Variants in MUC6 observed in about 807,000 individuals in gnomAD.
MUC6 encodes the protein mucin-6.
MUC6 carries 188 observed loss-of-function variants against 201.5 expected under a neutral mutation model. The ratio of observed to expected loss-of-function variants is 0.93; its 90% CI spans 0.83 to 1.05. MUC6 has a LOEUF of 1.05. Ranked by LOEUF, MUC6 falls within the 50% of genes least tolerant of loss-of-function variation. The pLI is 0.00. For synonymous variants in MUC6, 1,228 were observed against 1,389.4 expected (o/e 0.88, Z 2.58); for missense variants, 2,706 against 3,256.9 (o/e 0.83, Z 4.12).
At chr11:1,014,750 G>A (rs1409737451) in intron 31 of MUC6, among the ~76,000 whole-genome samples, 2 of 152,212 alleles carry the variant, frequency 1.3e-5, no homozygotes, top group African/African-American at 4.8e-5. Flanking sequence ...CTGCAGAGAA[G>A]ACAGGTCACC....
At chr11:1,035,102 T>G (rs1590057795) in intron 1 of MUC6, among the ~76,000 whole-genome samples, 1 of 152,232 alleles carries the variant, frequency 6.6e-6, no homozygotes, top group Non-Finnish European at 1.5e-5. Context: ...CGCCCACCCC[T>G]GCCTCCCGGC....
In MUC6 at chr11:1,023,668, C is replaced by T; in HGVS notation, c.3383-16G>A. 5 of 1,611,062 alleles carry T rather than the reference C, an allele frequency of 3.1e-6. No individual in the cohort carries two copies. The highest frequency in any genetic ancestry group is 4.2e-6 in the Non-Finnish European group (5 of 1,179,074). Reference sequence around the variant, plus strand: ...CAGTAGATGGCTGGGAGGAAGGGAGCTGTCAGCTGGTGGGGTTCCTGGCCC... The same window carrying T: ...CAGTAGATGGCTGGGAGGAAGGGAGTTGTCAGCTGGTGGGGTTCCTGGCCC... On this transcript the variant is annotated splice_polypyrimidine_tract_variant and intron_variant, in intron 25 of 32. Coordinates refer to ENST00000421673, the MANE Select transcript of MUC6 (RefSeq NM_005961.3).
At chr11:1,020,870 A>T in intron 27 of MUC6, 136 bp from the exon 28 acceptor site, 3 of 1,138,838 alleles carry the variant, frequency 2.6e-6, no homozygotes. Context: ...CTGGGAGCCC[A>T]CCCTCCCCTC....
intron 31 of MUC6, among the ~76,000 whole-genome samples, chr11:1,015,500 G>C (rs1329548182): frequency 6.6e-6 from 1 of 152,136 alleles, no homozygotes; most frequent in African/African-American, 2.4e-5. Flanking sequence ...GCATGAGTGA[G>C]CCAGTGCAGG....
intron 27 of MUC6, among the ~76,000 whole-genome samples, 171 bp from the exon 28 acceptor site, chr11:1,020,905 A>G (rs12282450): frequency 4.6e-5 from 7 of 152,004 alleles, no homozygotes; most frequent in African/African-American, 1.7e-4. Flanking sequence ...TCCCAGGATG[A>G]TTCCCACTCT....
In MUC6 at chr11:1,013,728, T is replaced by TC. The variant is rs1856532867; in HGVS notation, c.7143-96dup. On this transcript the variant is annotated intron_variant, in intron 32 of 32. Transcript: ENST00000421673. ...CAGCTGCTCCGCAGAGGCCTGGACC[T>TC]CCCCGCTGAGCTCCCGGCTCACAGG... 3 of 1,439,788 alleles carry TC rather than the reference T, an allele frequency of 2.1e-6. No homozygotes were observed. The Admixed American group carries it at 6.1e-5, about 29-fold the overall frequency. The allele number at this position is 1,439,788 out of a possible 1,614,324, so 89.2% of individuals were successfully genotyped here.
intron 8 of MUC6, 48 bp downstream of exon 8, chr11:1,030,165 T>G (rs1230442902): frequency 1.4e-5 from 21 of 1,514,874 alleles, no homozygotes; most frequent in Admixed American, 2.0e-5. Flanking sequence ...TGTCTCTGGG[T>G]TCTCTCTAGG....
chr11:1,024,840 C>G lies in MUC6; in HGVS notation c.3225+4G>C, dbSNP rs754455898. The G allele has an allele frequency of 6.2e-7, 1 of 1,607,480 alleles. No homozygotes were observed. Among genetic ancestry groups the G allele is most frequent in the Admixed American group, 1.7e-5 (1 of 59,928 alleles). ...GGCGCACAGCCCTCGTGCCCGGTGC[C>G]CACCTTGCTGTGGCAGGTGGCAAAG... On this transcript the variant is annotated splice_donor_region_variant and intron_variant, in intron 24 of 32. Transcript: ENST00000421673.
chr11:1,030,371 C>T (rs537252150), intron 7 of MUC6, 36 bp from the exon 8 acceptor site: 2 of 1,479,968 alleles, frequency 1.4e-6, no homozygotes, highest in East Asian at 5.1e-5. Flanking sequence ...GAGGGTCCCA[C>T]CCCCCCCACC....
chr11:1,013,516 G>A lies in MUC6; in HGVS notation c.7260C>T (p.Leu2420=), dbSNP rs775337731. ...CPDPSTPGRR[L]VLTLQVFSHC... ...GGCTGAACACCTGCAGGGTGAGTAC[G>A]AGCCGCCGGCCAGGCGTGCTGGGAT... The change falls in exon 33 of 33, where the codon CTC becomes CTT. Residue 2420 remains leucine (L), a synonymous_variant. Coordinates refer to ENST00000421673, the MANE Select transcript of MUC6 (RefSeq NM_005961.3). 20 of 1,582,224 alleles carry A rather than the reference G, an allele frequency of 1.3e-5. No homozygotes were observed. Among genetic ancestry groups the A allele is most frequent in the African/African-American group, 2.7e-5 (2 of 74,124 alleles).
chr11:1,028,386 C>A lies in MUC6; in HGVS notation c.1593G>T (p.Gly531=). The change falls in exon 14 of 33, where the codon GGG becomes GGT. Residue 531 remains glycine (G), a splice_region_variant and synonymous_variant. Transcript: ENST00000421673. ...TGTCCCCGTTGAAGTTGCCGCAGAGCCCTGAGCCGGCGGGGCGTGAGCTCG... is the reference window on the plus strand; with the variant it reads ...TGTCCCCGTTGAAGTTGCCGCAGAGACCTGAGCCGGCGGGGCGTGAGCTCG... ...VGPQFRGQTR[G]LCGNFNGDTT... is the part of the protein sequence containing the mutation. 6.2e-7 allele frequency: 1 copy of A among 1,611,782 alleles called. No individual in the cohort carries two copies. The highest frequency in any genetic ancestry group is 8.5e-7 in the Non-Finnish European group (1 of 1,179,672).
rs369364495 is a variant in MUC6 at position 1,030,583 on chromosome 11, G to A, written c.882C>T (p.Pro294=). 14 of 1,516,296 alleles carry A rather than the reference G, an allele frequency of 9.2e-6. No individual in the cohort carries two copies. Among genetic ancestry groups the A allele is most frequent in the Middle Eastern group, 2.1e-4 (1 of 4,656 alleles). 93.9% of individuals were successfully genotyped at this position (1,516,296 alleles called of 1,614,324 possible). ...VGQPVRRWRS[P]GLCSVGQCPA... Reference sequence around the variant, plus strand: ...CTTCCCTGGACTCACAGCACAGGCCGGGGCTCCGCCAGCGGCGGACCGGCT... The same window carrying A: ...CTTCCCTGGACTCACAGCACAGGCCAGGGCTCCGCCAGCGGCGGACCGGCT... Residue 294 remains proline (P), a synonymous_variant, in exon 7 of 33, where the codon CCC becomes CCT. Transcript: ENST00000421673.
chr11:1,018,703 T>C lies in MUC6; in HGVS notation c.4098A>G (p.Pro1366=). ...GGGTGGTTGGGCCTGTGGTGCTTGC[T>C]GGGGTTGGACGTGGGCCTGTCGTCT... ...ATQTTGPRPT[P]ASTTGPTTPQ... The change falls in exon 31 of 33, where the codon CCA becomes CCG. Residue 1366 remains proline (P), a synonymous_variant. Coordinates refer to ENST00000421673, the MANE Select transcript of MUC6 (RefSeq NM_005961.3). 1 of 1,607,864 alleles carries C rather than the reference T, an allele frequency of 6.2e-7. No homozygotes were observed. The highest frequency in any genetic ancestry group is 1.1e-5 in the South Asian group (1 of 90,460).
Position 1,016,347 on chromosome 11 carries a change from G to C in MUC6, c.6454C>G (p.Pro2152Ala). 6.2e-7 allele frequency: 1 copy of C among 1,611,568 alleles called. No homozygotes were observed. The highest frequency in any genetic ancestry group is 1.3e-5 in the African/African-American group (1 of 74,966). ...CCAACAGAAGGCGATGAAGTCTGGG[G>C]AGAGGAGTGGGAGGAGGGCACATAA... The part of the protein sequence containing the change: ...SSYVPSSHSS[P>A]QTSSPSVGTS... Residue 2152 changes from proline to alanine, a missense_variant, in exon 31 of 33, where the codon CCC becomes GCC. Pro to Ala is a conservative substitution (Grantham distance 27). Transcript: ENST00000421673.
chr11:1,020,287 CA>C, intron 28 of MUC6, 30 bp from the exon 29 acceptor site: 1 of 1,585,118 alleles, frequency 6.3e-7, no homozygotes, highest in Non-Finnish European at 8.6e-7. Context: ...ATCAGGGCTG[CA>C]GGGTACCGGC....
chr11:1,021,283 G>A lies in MUC6; in HGVS notation c.3527-6C>T. ...CTGGGAGCAGTTGTAGCAGCCTAGG[G>A]TGGAGAACGGCCAGGGTCTGTGTGA... On this transcript the variant is annotated splice_region_variant and splice_polypyrimidine_tract_variant and intron_variant, in intron 26 of 32. Transcript: ENST00000421673. 1 of 1,560,474 alleles carries A rather than the reference G, an allele frequency of 6.4e-7. No individual in the cohort carries two copies. The highest frequency in any genetic ancestry group is 8.7e-7 in the Non-Finnish European group (1 of 1,154,064).
intron 17 of MUC6, 26 bp from the exon 18 acceptor site, chr11:1,027,219 C>T (rs367853287): frequency 2.5e-6 from 4 of 1,612,032 alleles, no homozygotes; most frequent in African/African-American, 2.7e-5. Flanking sequence ...TGCGTGAGAC[C>T]CCGGGACCTG....
intron 31 of MUC6, among the ~76,000 whole-genome samples, chr11:1,014,637 A>G (rs976970650): frequency 6.6e-6 from 1 of 152,268 alleles, no homozygotes; most frequent in Non-Finnish European, 1.5e-5. Flanking sequence ...AGAAACCGCC[A>G]CTGGAGAGCG....
At position 1,013,139 on chromosome 11, in the gene MUC6, C is replaced by A; in HGVS notation, c.*317G>T. On this transcript the variant is annotated 3_prime_UTR_variant, in exon 33 of 33. Transcript: ENST00000421673. The stretch of plus-strand genomic sequence containing the variant: ...GTTCTGGGCCCAGCAGGGCTGGGGC[C>A]AAGTTCAGGGGCTGGGAGGTGTTGG... The A allele has an allele frequency of 2.4e-6, 1 of 412,834 alleles. No homozygotes were observed. Among genetic ancestry groups the A allele is most frequent in the Non-Finnish European group, 4.3e-6 (1 of 230,508 alleles). The allele number at this position is 412,834 out of a possible 1,614,324, so 25.6% of individuals were successfully genotyped here. A position where few individuals can be genotyped will look rare whatever the true frequency, so the allele number is the denominator to read the frequency against.
Sources: allele counts gnomAD v4.1 joint callset (sites outside exome capture counted in the v4.1 genomes callset), GRCh38; gene constraint gnomAD v4.1.1; transcripts MANE v1.5; gene names NCBI Gene and HGNC (gene_info 2026-07-23, HGNC 2026-07-21).